The following CACNA2D2 variants were observed in gnomAD, a reference collection of about 807,000 sequenced individuals.
The protein encoded by CACNA2D2 is voltage-dependent calcium channel subunit alpha-2/delta-2.
Under a neutral mutation model 166.4 loss-of-function variants are expected in CACNA2D2, and 48 were observed. The observed-to-expected ratio is 0.29, with a 90% CI of 0.23 to 0.37. The LOEUF is 0.37. Among genes scored for constraint, CACNA2D2 ranks in the 10% least tolerant of loss-of-function variants. The pLI is 1.00. For synonymous variants in CACNA2D2, 561 were observed against 573.7 expected, an observed-to-expected ratio of 0.98 and a Z score of 0.32; for missense variants, 1,122 against 1,433.0, an observed-to-expected ratio of 0.78 and a Z score of 3.50.
At position 50,366,354 on chromosome 3, in the gene CACNA2D2, T is replaced by A; in HGVS notation, c.2638-16A>T. ...AGAGTAAGTCCTAGGAGGAAGGGAATGGGGAGGAAAATGGAGAGGGGCTGG... is the reference window on the plus strand; with the variant it reads ...AGAGTAAGTCCTAGGAGGAAGGGAAAGGGGAGGAAAATGGAGAGGGGCTGG... On this transcript the variant is annotated splice_polypyrimidine_tract_variant and intron_variant, in intron 30 of 37. Coordinates refer to ENST00000424201, the MANE Select transcript of CACNA2D2 (RefSeq NM_006030.4). This position sits in a 1 kb window ranked among gnomAD's most constrained non-coding sequence, Gnocchi z 5.9. The A allele has an allele frequency of 6.2e-7, 1 of 1,613,514 alleles. No homozygotes were observed. The highest frequency in any genetic ancestry group is 8.5e-7 in the Non-Finnish European group (1 of 1,179,582).
At chr3:50,424,998 C>T (rs986807306) in intron 3 of CACNA2D2, among the ~76,000 whole-genome samples, 1 of 152,160 alleles carries the variant, frequency 6.6e-6, no homozygotes, top group South Asian at 2.1e-4. Context: ...CACAGGTACC[C>T]ACTGCCACAG....
intron 1 of CACNA2D2, among the ~76,000 whole-genome samples, chr3:50,497,684 G>C (rs1486548784): frequency 2.6e-5 from 4 of 152,134 alleles, no homozygotes; most frequent in African/African-American, 9.7e-5. Flanking sequence ...GACTCCTTTA[G>C]GGAGGCCCCA....
At chr3:50,388,015 T>C (rs1382373060) in intron 4 of CACNA2D2, among the ~76,000 whole-genome samples, 1 of 152,192 alleles carries the variant, frequency 6.6e-6, no homozygotes, top group African/African-American at 2.4e-5. Context: ...CATCTTCCAA[T>C]TTCTTCTATT....
intron 3 of CACNA2D2, among the ~76,000 whole-genome samples, chr3:50,402,996 T>G (rs536829879): frequency 7.2e-5 from 11 of 152,286 alleles, no homozygotes; most frequent in African/African-American, 2.4e-4. Context: ...TCTAGAGATA[T>G]GTGTGGGCAC....
At chr3:50,450,198 T>C (rs185462013) in intron 2 of CACNA2D2, among the ~76,000 whole-genome samples, 2 of 152,264 alleles carry the variant, frequency 1.3e-5, no homozygotes, top group South Asian at 2.1e-4. Context: ...ACATCTAAAA[T>C]GGGGCAGGAT....
intron 2 of CACNA2D2, among the ~76,000 whole-genome samples, chr3:50,474,644 G>C (rs965136560): frequency 2.6e-4 from 40 of 152,144 alleles, no homozygotes. Context: ...GAGGAGTACC[G>C]TTAACTCCTG....
chr3:50,428,294 G>T (rs999230632), intron 3 of CACNA2D2, among the ~76,000 whole-genome samples: 2 of 152,164 alleles, frequency 1.3e-5, no homozygotes, highest in Admixed American at 6.5e-5. Context: ...CAGCAGTGCC[G>T]AGGCTGACGC....
chr3:50,502,150 C>CCT (rs1260788121), intron 1 of CACNA2D2, among the ~76,000 whole-genome samples: 1 of 152,182 alleles, frequency 6.6e-6, no homozygotes, highest in Non-Finnish European at 1.5e-5. Flanking sequence ...GCAGAGCCAG[C>CCT]CTCTCCCTTT....
At chr3:50,474,126 G>T (rs1406340450) in intron 2 of CACNA2D2, among the ~76,000 whole-genome samples, 2 of 152,186 alleles carry the variant, frequency 1.3e-5, no homozygotes, top group Admixed American at 1.3e-4. Context: ...AGGAGCCCTG[G>T]GTCCATGCCC....
chr3:50,379,353 T>C lies in CACNA2D2; in HGVS notation c.1152+79A>G. 1 of 1,553,814 alleles carries C rather than the reference T, an allele frequency of 6.4e-7. No individual in the cohort carries two copies. The highest frequency in any genetic ancestry group is 8.8e-7 in the Non-Finnish European group (1 of 1,136,282). On this transcript the variant is annotated intron_variant, in intron 11 of 37. Transcript: ENST00000424201. The surrounding 1 kb of genome is among the most constrained non-coding windows in gnomAD (Gnocchi z 6.5). ...TGCCTGTTTGGTGCTAACGAGGCCATCCGTCTTGATTTCCTGGGTACACCA... is the reference window on the plus strand; with the variant it reads ...TGCCTGTTTGGTGCTAACGAGGCCACCCGTCTTGATTTCCTGGGTACACCA...
At chr3:50,424,238 C>T (rs1707702906) in intron 3 of CACNA2D2, among the ~76,000 whole-genome samples, 1 of 152,190 alleles carries the variant, frequency 6.6e-6, no homozygotes, top group Admixed American at 6.5e-5. Flanking sequence ...GCTGCACCTG[C>T]CTAAGAGGGA....
intron 2 of CACNA2D2, among the ~76,000 whole-genome samples, chr3:50,469,996 C>T (rs1575739096): frequency 6.6e-6 from 1 of 152,234 alleles, no homozygotes; most frequent in Non-Finnish European, 1.5e-5. Flanking sequence ...CAGCTGGTCC[C>T]ACCCAGAGAT....
rs886312127 is a variant in CACNA2D2, at chr3:50,398,366, C to T, written c.406-4198G>A. 3.3e-5 allele frequency among the ~76,000 whole-genome samples: 5 copies of T among 152,314 alleles called. No homozygotes were observed. In the South Asian group the frequency reaches 1.0e-3, roughly 32 times the overall value. ...AGACTCCTCTAGCCACATCCACTTCCTGACCCTGACACTCAGCGAACCCTC... is the reference window on the plus strand; with the variant it reads ...AGACTCCTCTAGCCACATCCACTTCTTGACCCTGACACTCAGCGAACCCTC... On this transcript the variant is annotated intron_variant, in intron 3 of 37. Transcript: ENST00000424201.
At chr3:50,450,816 C>T (rs890176966) in intron 2 of CACNA2D2, among the ~76,000 whole-genome samples, 2 of 152,126 alleles carry the variant, frequency 1.3e-5, no homozygotes, top group Admixed American at 6.5e-5. Context: ...CGCCCGCCGA[C>T]GTCACACCCC....
At position 50,380,359 on chromosome 3, in the gene CACNA2D2, G is replaced by T. The variant is rs587701099; in HGVS notation, c.843-341C>A. Among the ~76,000 whole-genome samples, 1 of 152,350 alleles carries T rather than the reference G, an allele frequency of 6.6e-6. No homozygotes were observed. The highest frequency in any genetic ancestry group is 2.1e-4 in the South Asian group (1 of 4,830). The stretch of plus-strand genomic sequence containing the variant: ...ACAGTCTAGCTGTGTATGGGATGGT[G>T]CAGGTGGCAGGGAAGGAGAGTCACA... On this transcript the variant is annotated intron_variant, in intron 8 of 37. Transcript: ENST00000424201. This position sits in a 1 kb window ranked among gnomAD's most constrained non-coding sequence, Gnocchi z 4.9.
chr3:50,450,336 C>G (rs1468831974), intron 2 of CACNA2D2, among the ~76,000 whole-genome samples: 5 of 151,294 alleles, frequency 3.3e-5, no homozygotes, highest in Admixed American at 6.6e-5. Flanking sequence ...CACCTACCCC[C>G]GCACCGCCTC....
intron 2 of CACNA2D2, among the ~76,000 whole-genome samples, chr3:50,447,971 C>T (rs1708926828): frequency 1.3e-5 from 2 of 152,180 alleles, no homozygotes; most frequent in Admixed American, 6.5e-5. Context: ...AAGAGTCAGA[C>T]CAGCCATATC....
At chr3:50,443,802 C>T (rs1708716671) in intron 2 of CACNA2D2, among the ~76,000 whole-genome samples, 1 of 152,234 alleles carries the variant, frequency 6.6e-6, no homozygotes, top group African/African-American at 2.4e-5. Flanking sequence ...CTTTACCCAC[C>T]TCTCAGGACT....
chr3:50,379,313 G>T lies in CACNA2D2; in HGVS notation c.1153-114C>A. 1.4e-6 allele frequency: 2 copies of T among 1,444,294 alleles called. No individual in the cohort carries two copies. The highest frequency in any genetic ancestry group is 1.9e-6 in the Non-Finnish European group (2 of 1,039,362). The allele number at this position is 1,444,294 out of a possible 1,614,324, so 89.5% of individuals were successfully genotyped here. ...GCCCTCCTCCCCCACAGCAGATGGAGCTATCTGTCCAAGCTGCCTGTTTGG... is the reference window on the plus strand; with the variant it reads ...GCCCTCCTCCCCCACAGCAGATGGATCTATCTGTCCAAGCTGCCTGTTTGG... On this transcript the variant is annotated intron_variant, in intron 11 of 37. Transcript: ENST00000424201. The surrounding 1 kb of genome is among the most constrained non-coding windows in gnomAD (Gnocchi z 6.5).
Sources: gnomAD v4.1 joint callset for allele counts (sites outside exome capture counted in the v4.1 genomes callset) on GRCh38, gnomAD v4.1.1 for gene constraint, Gnocchi (gnomAD v3.1) non-coding constraint, MANE v1.5 for transcripts, NCBI Gene and HGNC (gene_info 2026-07-23, HGNC 2026-07-21) for gene names.